Variants in ZBTB44 observed in about 807,000 individuals in gnomAD.
ZBTB44 encodes zinc finger and BTB domain-containing protein 44.
ZBTB44 carries 15 observed loss-of-function variants against 54.0 expected under a neutral mutation model. The ratio of observed to expected loss-of-function variants is 0.28; its 90% CI spans 0.19 to 0.43. The LOEUF (loss-of-function observed/expected upper bound fraction) is 0.43, where lower values mean the gene tolerates loss of function less well. Among genes scored for constraint, ZBTB44 ranks in the 20% least tolerant of loss-of-function variants. The pLI, the probability that ZBTB44 is intolerant of heterozygous loss-of-function variation, is 1.00. For missense variants in ZBTB44, 487 were observed against 707.1 expected, an observed-to-expected ratio of 0.69 and a Z score of 3.53; for synonymous variants, 230 against 250.1, an observed-to-expected ratio of 0.92 and a Z score of 0.76.
At chr11:130,238,332 T>C (rs893497575) in intron 4 of ZBTB44, 112 bp downstream of exon 4, 2 of 1,316,440 alleles carry the variant, frequency 1.5e-6, no homozygotes, top group Non-Finnish European at 2.0e-6. Flanking sequence ...TCATTTGACT[T>C]CCCAGAGTTT....
At chr11:130,299,637 T>C (rs766766942) in intron 1 of ZBTB44, among the ~76,000 whole-genome samples, 2 of 139,076 alleles carry the variant, frequency 1.4e-5, no homozygotes, top group Non-Finnish European at 3.2e-5. Flanking sequence ...AATGTAATAG[T>C]AAAAAAAAAA....
At chr11:130,296,333 G>T in intron 1 of ZBTB44, 1 of 1,526,910 alleles carries the variant, frequency 6.5e-7, no homozygotes, top group African/African-American at 1.4e-5. Flanking sequence ...AGAAGCTCGT[G>T]GTCTTCTTTT....
intron 1 of ZBTB44, chr11:130,285,556 T>G: frequency 4.6e-6 from 1 of 218,352 alleles, no homozygotes; most frequent in Non-Finnish European, 9.6e-6. Context: ...CCTCTCAAAG[T>G]GCTGGGATTA....
chr11:130,233,233 G>A (rs1213824537), intron 7 of ZBTB44, 75 bp downstream of exon 7: 17 of 1,486,122 alleles, frequency 1.1e-5, no homozygotes, highest in East Asian at 2.5e-5. Flanking sequence ...CATTACATTC[G>A]GAGACCAGGT....
At chr11:130,294,237 C>A (rs998365540) in intron 1 of ZBTB44, among the ~76,000 whole-genome samples, 6 of 151,458 alleles carry the variant, frequency 4.0e-5, no homozygotes, top group African/African-American at 1.5e-4. Flanking sequence ...AGCGAAACCC[C>A]GTCTCTACTA....
intron 5 of ZBTB44, among the ~76,000 whole-genome samples, chr11:130,235,497 A>C (rs994353321): frequency 6.6e-6 from 1 of 152,176 alleles, no homozygotes; most frequent in South Asian, 2.1e-4. Context: ...AATAATTTGG[A>C]ATTTGTTTAC....
At chr11:130,258,333 A>G (rs1342798689) in intron 2 of ZBTB44, among the ~76,000 whole-genome samples, 1 of 152,170 alleles carries the variant, frequency 6.6e-6, no homozygotes, top group Non-Finnish European at 1.5e-5. Flanking sequence ...CTTTCTTTAC[A>G]AAGTCTTGTA....
chr11:130,247,339 T>C (rs947332049), intron 2 of ZBTB44, among the ~76,000 whole-genome samples: 4 of 152,214 alleles, frequency 2.6e-5, no homozygotes, highest in African/African-American at 9.6e-5. Context: ...AGAGGGCAGA[T>C]ATAAAATCCC....
In ZBTB44 at chr11:130,228,611, G is replaced by C. The variant is rs1953766905; in HGVS notation, c.*3153C>G. ...AAGGGAAACGTGCATTAAGAGGAGAGATGACAGGGCTCCCTTAAAGCAGGA... is the reference window on the plus strand; with the variant it reads ...AAGGGAAACGTGCATTAAGAGGAGACATGACAGGGCTCCCTTAAAGCAGGA... On this transcript the variant is annotated 3_prime_UTR_variant, in exon 8 of 8. Coordinates refer to ENST00000357899, the MANE Select transcript of ZBTB44 (RefSeq NM_001301098.2). 1.3e-5 allele frequency: 2 copies of C among 152,204 alleles called. No individual in the cohort carries two copies. Among genetic ancestry groups the C allele is most frequent in the South Asian group, 4.1e-4 (2 of 4,822 alleles). 9.4% of individuals were successfully genotyped at this position (152,204 alleles called of 1,614,324 possible). A position where few individuals can be genotyped will look rare whatever the true frequency, so the allele number is the denominator to read the frequency against.
intron 1 of ZBTB44, among the ~76,000 whole-genome samples, chr11:130,278,240 A>G (rs1247159928): frequency 6.6e-6 from 1 of 152,226 alleles, no homozygotes; most frequent in Non-Finnish European, 1.5e-5. Context: ...TGCTCAAAAC[A>G]CTGACATTAG....
intron 1 of ZBTB44, chr11:130,296,516 A>G: frequency 3.4e-6 from 3 of 893,758 alleles, no homozygotes; most frequent in Non-Finnish European, 5.4e-6. Flanking sequence ...AGGACTGGAC[A>G]TTCCTCAAGT....
At chr11:130,309,383 C>G (rs928435354) in intron 1 of ZBTB44, among the ~76,000 whole-genome samples, 2 of 152,192 alleles carry the variant, frequency 1.3e-5, no homozygotes, top group Non-Finnish European at 2.9e-5. Flanking sequence ...ACTTGGTTGA[C>G]AGGAGGCTGA....
rs951722445 is a variant in ZBTB44, at chr11:130,261,339, C to T, written c.535G>A (p.Glu179Lys). The T allele has an allele frequency of 1.2e-6, 2 of 1,613,842 alleles. No individual in the cohort carries two copies. The highest frequency in any genetic ancestry group is 1.7e-5 in the Admixed American group (1 of 60,008). The change falls in exon 2 of 8, where the codon GAA becomes AAA. Residue 179 changes from glutamate (E) to lysine (K), a missense_variant. Physicochemically the swap from Glu to Lys is moderately conservative, Grantham distance 56 (BLOSUM62 1). Around this residue, in one of 3 missense-constraint regions of ZBTB44, gnomAD observed 277 missense variants for 306.5 expected, o/e 0.90. Coordinates refer to ENST00000357899, the MANE Select transcript of ZBTB44 (RefSeq NM_001301098.2). The surrounding 1 kb of genome is among the most constrained non-coding windows in gnomAD (Gnocchi z 4.8). The part of the protein sequence containing the change: ...VVERTIPVCR[E>K]SRRKRKSYIV... Reference sequence around the variant, plus strand: ...TAGCTTTTGCGCTTTCTCCGGGATTCTCGGCAGACAGGAATGGTTCTTTCT... The same window carrying T: ...TAGCTTTTGCGCTTTCTCCGGGATTTTCGGCAGACAGGAATGGTTCTTTCT...
rs771791129 is a variant in ZBTB44, at chr11:130,261,345, A to G, written c.529T>C (p.Cys177Arg). ...CSVVERTIPV[C>R]RESRRKRKSY... ...TTGCGCTTTCTCCGGGATTCTCGGC[A>G]GACAGGAATGGTTCTTTCTACCACA... The change falls in exon 2 of 8, where the codon TGC (cysteine) becomes CGC (arginine). Residue 177 changes from cysteine to arginine, a missense_variant. Around this residue, in one of 3 missense-constraint regions of ZBTB44, gnomAD observed 277 missense variants for 306.5 expected, o/e 0.90. Coordinates refer to ENST00000357899, the MANE Select transcript of ZBTB44 (RefSeq NM_001301098.2). This position sits in a 1 kb window ranked among gnomAD's most constrained non-coding sequence, Gnocchi z 4.8. 2 of 1,613,894 alleles carry G rather than the reference A, an allele frequency of 1.2e-6. No homozygotes were observed. Among genetic ancestry groups the G allele is most frequent in the Non-Finnish European group, 8.5e-7 (1 of 1,179,906 alleles).
Position 130,258,208 on chromosome 11 carries a change from G to A in ZBTB44, c.1018+2648C>T, listed in dbSNP as rs563145694. ...CAGAAATAACAAAATATGAAAAATT[G>A]TGACTTAGAATCAATGGAATATAAT... is the stretch of plus-strand genomic sequence containing the variant. On this transcript the variant is annotated intron_variant, in intron 2 of 7. Transcript: ENST00000357899. 3.4e-3 allele frequency among the ~76,000 whole-genome samples: 519 copies of A among 152,252 alleles called. 1 individual carries two copies. Among genetic ancestry groups the A allele is most frequent in the Non-Finnish European group, 6.4e-3 (434 of 68,004 alleles).
chr11:130,287,162 C>T (rs1941017176), intron 1 of ZBTB44, among the ~76,000 whole-genome samples: 1 of 152,192 alleles, frequency 6.6e-6, no homozygotes, highest in Admixed American at 6.5e-5. Flanking sequence ...CCTTCAATTG[C>T]TCAGTCACCC....
intron 1 of ZBTB44, among the ~76,000 whole-genome samples, chr11:130,262,598 G>A (rs1938953495): frequency 6.6e-6 from 1 of 152,128 alleles, no homozygotes; most frequent in Admixed American, 6.5e-5. Context: ...TATCATTCCT[G>A]TTTCTAAATG....
intron 1 of ZBTB44, among the ~76,000 whole-genome samples, chr11:130,307,712 G>A (rs1490033455): frequency 6.6e-6 from 1 of 152,078 alleles, no homozygotes; most frequent in East Asian, 1.9e-4. Flanking sequence ...AGGCTGGAGG[G>A]CAGTGGTGCA....
rs781498295 is a variant in ZBTB44, at chr11:130,229,392, T to C, written c.*2372A>G. On this transcript the variant is annotated 3_prime_UTR_variant, in exon 8 of 8. Transcript: ENST00000357899. The stretch of plus-strand genomic sequence containing the variant: ...CTTATCTATCGTCTAAAATGAAACA[T>C]CCAGAGAGCGACTGTTCTTAGTTGA... The C allele has an allele frequency of 2.0e-5, 3 of 152,126 alleles. No homozygotes were observed. The highest frequency in any genetic ancestry group is 4.8e-5 in the African/African-American group (2 of 41,438). 9.4% of individuals were successfully genotyped at this position (152,126 alleles called of 1,614,324 possible).
Sources: gnomAD v4.1 joint callset for allele counts (sites outside exome capture counted in the v4.1 genomes callset) on GRCh38, gnomAD v4.1.1 for gene constraint, gnomAD v4.1.1 regional missense constraint, Gnocchi (gnomAD v3.1) non-coding constraint, MANE v1.5 for transcripts, NCBI Gene and HGNC (gene_info 2026-07-23, HGNC 2026-07-21) for gene names.